Variants in EFR3A observed in about 807,000 individuals in gnomAD.
EFR3A encodes EFR3 homolog A, also known as protein EFR3 homolog A.
Under a neutral mutation model 104.4 loss-of-function variants are expected in EFR3A, and 76 were observed. The observed-to-expected ratio is 0.73, with a 90% CI of 0.60 to 0.88. The LOEUF (loss-of-function observed/expected upper bound fraction) is 0.88. EFR3A is among the 40% of genes least tolerant of loss of function. EFR3A has a pLI of 0.00. For synonymous variants in EFR3A, 330 were observed against 330.0 expected (o/e 1.00, Z 0.00); for missense variants, 985 against 1,012.5 (o/e 0.97, Z 0.37).
chr8:131,918,244 A>G (rs538811040), intron 1 of EFR3A, among the ~76,000 whole-genome samples: 44 of 152,286 alleles, frequency 2.9e-4, no homozygotes, highest in Non-Finnish European at 2.8e-4. Flanking sequence ...TTGAGATCGC[A>G]CCACTGCACT....
chr8:131,964,392 A>G (rs1234659488), intron 8 of EFR3A, among the ~76,000 whole-genome samples: 2 of 152,012 alleles, frequency 1.3e-5, no homozygotes, highest in Admixed American at 6.6e-5. Context: ...TACAAAATCA[A>G]TGTGCAAAAA....
chr8:131,965,301 T>G (rs1003410525), intron 8 of EFR3A, among the ~76,000 whole-genome samples: 1 of 152,048 alleles, frequency 6.6e-6, no homozygotes, highest in Admixed American at 6.6e-5. Flanking sequence ...GGGAGAAAAT[T>G]TTTGCAATCT....
At chr8:131,996,592 A>G (rs1821501617) in intron 19 of EFR3A, 95 bp downstream of exon 19, 5 of 622,612 alleles carry the variant, frequency 8.0e-6, no homozygotes, top group Non-Finnish European at 1.4e-5. Context: ...GAGGAAATAC[A>G]ACTCTAAATT....
chr8:131,946,404 T>C, intron 3 of EFR3A, 79 bp from the exon 4 acceptor site: 1 of 1,319,570 alleles, frequency 7.6e-7, no homozygotes, highest in East Asian at 2.8e-5. Flanking sequence ...TAGACTTATT[T>C]CAGTTCTTCC....
intron 1 of EFR3A, 101 bp downstream of exon 1, chr8:131,904,423 G>C: frequency 9.1e-7 from 1 of 1,102,276 alleles, no homozygotes; most frequent in Non-Finnish European, 1.2e-6. Context: ...GCTGGGCCGC[G>C]CTGAGCAGAG....
At chr8:131,954,580 C>G (rs1028891845) in intron 6 of EFR3A, among the ~76,000 whole-genome samples, 1 of 150,794 alleles carries the variant, frequency 6.6e-6, no homozygotes, top group African/African-American at 2.4e-5. Context: ...ATGCTTATCC[C>G]CCACATTTCT....
At chr8:131,928,371 A>G (rs962188220) in intron 1 of EFR3A, among the ~76,000 whole-genome samples, 3 of 152,088 alleles carry the variant, frequency 2.0e-5, no homozygotes, top group African/African-American at 7.2e-5. Flanking sequence ...TTCTTCAGAC[A>G]TTTATCATCA....
chr8:131,951,840 A>G (rs577998132), intron 5 of EFR3A, among the ~76,000 whole-genome samples: 2 of 152,280 alleles, frequency 1.3e-5, no homozygotes, highest in Non-Finnish European at 2.9e-5. Context: ...GCTATTTAAT[A>G]TAAAATACTT....
At chr8:131,923,365 G>A (rs991398266) in intron 1 of EFR3A, among the ~76,000 whole-genome samples, 1 of 151,928 alleles carries the variant, frequency 6.6e-6, no homozygotes, top group Non-Finnish European at 1.5e-5. Context: ...TTTAATTGTG[G>A]ATACTATATT....
In EFR3A at chr8:131,985,033, C is replaced by A; in HGVS notation, c.1842C>A (p.Val614=). 1 of 1,613,488 alleles carries A rather than the reference C, an allele frequency of 6.2e-7. No individual in the cohort carries two copies. The highest frequency in any genetic ancestry group is 8.5e-7 in the Non-Finnish European group (1 of 1,179,558). Residue 614 remains valine (V), a synonymous_variant, in exon 16 of 23, where the codon GTC becomes GTA. Transcript: ENST00000254624. ...ACTTTGTAAGTCAGATGATAGCTGT[C>A]CCTGCATTTTGCCAGCATGTTAGCA... ...YLNFVSQMIA[V]PAFCQHVSKV...
intron 20 of EFR3A, 61 bp from the exon 21 acceptor site, chr8:132,002,542 T>C (rs1821833227): frequency 1.5e-6 from 2 of 1,377,142 alleles, no homozygotes; most frequent in African/African-American, 2.9e-5. Flanking sequence ...TTAACGGTCA[T>C]TGACTGGGTT....
intron 22 of EFR3A, among the ~76,000 whole-genome samples, chr8:132,010,405 G>GAGAT (rs768825765): frequency 4.5e-5 from 4 of 88,012 alleles, no homozygotes; most frequent in Non-Finnish European, 6.7e-5. Flanking sequence ...AATCAAGTAT[G>GAGAT]AGATATATAT....
At chr8:131,905,335 G>C (rs1377725143) in intron 1 of EFR3A, among the ~76,000 whole-genome samples, 5 of 152,148 alleles carry the variant, frequency 3.3e-5, no homozygotes, top group African/African-American at 4.8e-5. Flanking sequence ...TTCCAGGTCA[G>C]TCTCCAATGC....
intron 22 of EFR3A, among the ~76,000 whole-genome samples, chr8:132,005,426 T>TA (rs576629470): frequency 5.4e-4 from 77 of 143,808 alleles, no homozygotes; most frequent in South Asian, 1.6e-3. Flanking sequence ...TGAGTATGGT[T>TA]AAAAAAAAAA....
intron 1 of EFR3A, among the ~76,000 whole-genome samples, chr8:131,927,588 A>G (rs1296372658): frequency 1.3e-5 from 2 of 152,178 alleles, no homozygotes; most frequent in African/African-American, 2.4e-5. Flanking sequence ...CAAAGTCGGT[A>G]TAGTATTACA....
At chr8:131,907,847 CTCCCTTCTTCT>C (rs1262473194) in intron 1 of EFR3A, among the ~76,000 whole-genome samples, 5 of 151,634 alleles carry the variant, frequency 3.3e-5, no homozygotes, top group Non-Finnish European at 7.4e-5. Flanking sequence ...TCCCTCCTTC[CTCCCTTCTTCT>C]ACCCACCACC....
At chr8:131,968,217 G>A in intron 8 of EFR3A, 78 bp from the exon 9 acceptor site, 1 of 1,398,354 alleles carries the variant, frequency 7.2e-7, no homozygotes, top group Non-Finnish European at 9.7e-7. Flanking sequence ...TACGTGTCAG[G>A]TGTTTTTTTT....
At chr8:131,981,888 C>T (rs1400552469) in intron 14 of EFR3A, among the ~76,000 whole-genome samples, 1 of 152,008 alleles carries the variant, frequency 6.6e-6, no homozygotes, top group Admixed American at 6.6e-5. Flanking sequence ...GCGTATTCTT[C>T]CAGAGAAAAT....
intron 10 of EFR3A, among the ~76,000 whole-genome samples, chr8:131,972,918 C>T (rs1438603784): frequency 6.6e-6 from 1 of 151,796 alleles, no homozygotes; most frequent in Non-Finnish European, 1.5e-5. Context: ...CATTTTGCAT[C>T]TCCATTGACA....
Sources: allele counts gnomAD v4.1 joint callset (sites outside exome capture counted in the v4.1 genomes callset), GRCh38; gene constraint gnomAD v4.1.1; transcripts MANE v1.5; gene names NCBI Gene and HGNC (gene_info 2026-07-23, HGNC 2026-07-21).